Variants in PLK1 observed in about 807,000 individuals in gnomAD.
PLK1 encodes the protein serine/threonine-protein kinase PLK1.
In PLK1, 6 loss-of-function variants were observed where a neutral mutation model predicts 56.7. The ratio of observed to expected loss-of-function variants is 0.11; its 90% CI spans 0.06 to 0.21. The LOEUF is 0.21. Ranked by LOEUF, PLK1 falls within the 10% of genes least tolerant of loss-of-function variation. The pLI is 1.00. For missense variants in PLK1, 546 were observed against 814.4 expected, an observed-to-expected ratio of 0.67 and a Z score of 4.01; for synonymous variants, 298 against 325.0, an observed-to-expected ratio of 0.92 and a Z score of 0.89.
At chr16:23,685,935 C>T (rs979266912) in intron 5 of PLK1, among the ~76,000 whole-genome samples, 3 of 152,238 alleles carry the variant, frequency 2.0e-5, no homozygotes, top group African/African-American at 7.2e-5. Flanking sequence ...AGAGCTGTTC[C>T]TTCTCTCCGA....
rs751987268 is a variant in PLK1, at chr16:23,689,341, C to T, written c.1374C>T (p.Gly458=). Reference sequence around the variant, plus strand: ...GCCTGCAGTACATAGAGCGTGACGGCACTGAGTCCTACCTCACCGTGAGTT... The same window carrying T: ...GCCTGCAGTACATAGAGCGTGACGGTACTGAGTCCTACCTCACCGTGAGTT... The part of the protein sequence containing the change: ...GDSLQYIERD[G]TESYLTVSSH... Residue 458 remains glycine (G), a synonymous_variant, in exon 8 of 10, where the codon GGC becomes GGT. Transcript: ENST00000300093. This position sits in a 1 kb window ranked among gnomAD's most constrained non-coding sequence, Gnocchi z 4.8. 1.2e-6 allele frequency: 2 copies of T among 1,613,922 alleles called. No individual in the cohort carries two copies. Among genetic ancestry groups the T allele is most frequent in the South Asian group, 1.1e-5 (1 of 91,080 alleles).
rs1354797494 is a variant in PLK1 at position 23,690,319 on chromosome 16, G to T, written c.*256G>T. ...GTACAGAATATTTCTATTGAATTCG[G>T]AACTGTCCTTTCCTTGGCTTTATGC... On this transcript the variant is annotated 3_prime_UTR_variant, in exon 10 of 10. Transcript: ENST00000300093. 7 of 575,154 alleles carry T rather than the reference G, an allele frequency of 1.2e-5. No individual in the cohort carries two copies. The highest frequency in any genetic ancestry group is 8.6e-5 in the East Asian group (3 of 34,750). The allele number at this position is 575,154 out of a possible 1,614,324, so 35.6% of individuals were successfully genotyped here. A position where few individuals can be genotyped will look rare whatever the true frequency, so the allele number is the denominator to read the frequency against.
intron 5 of PLK1, among the ~76,000 whole-genome samples, chr16:23,686,188 G>A (rs1415894244): frequency 6.6e-6 from 1 of 151,852 alleles, no homozygotes; most frequent in Non-Finnish European, 1.5e-5. Flanking sequence ...TTAGGCATGT[G>A]CCACCGCGTC....
Position 23,689,817 on chromosome 16 carries a change from C to G in PLK1, c.1609-43C>G. 1 of 1,574,954 alleles carries G rather than the reference C, an allele frequency of 6.3e-7. No homozygotes were observed. The highest frequency in any genetic ancestry group is 8.7e-7 in the Non-Finnish European group (1 of 1,145,950). ...TCTTCCCTCTACTCCCTAACATACA[C>G]TGGCCTCTGGGATCGCCAACCCCTG... is the stretch of plus-strand genomic sequence containing the variant. On this transcript the variant is annotated intron_variant, in intron 9 of 9. Transcript: ENST00000300093. The surrounding 1 kb of genome is among the most constrained non-coding windows in gnomAD (Gnocchi z 4.8).
rs1213540287 is a variant in PLK1 at position 23,687,693 on chromosome 16, G to A, written c.1192+69G>A. The A allele has an allele frequency of 7.4e-6, 9 of 1,217,482 alleles. No individual in the cohort carries two copies. In the East Asian group the frequency reaches 2.4e-4, roughly 32 times the overall value. 75.4% of individuals were successfully genotyped at this position (1,217,482 alleles called of 1,614,324 possible). ...ATCTGGAAAAGGCAGGAGGAGGCTT[G>A]GCCAACAAAGCACTGGTGACTTGTT... On this transcript the variant is annotated intron_variant, in intron 6 of 9. Transcript: ENST00000300093.
Position 23,684,080 on chromosome 16 carries a change from C to T in PLK1, c.1027C>T (p.Leu343Phe). The change falls in exon 5 of 10, where the codon CTC becomes TTC. Residue 343 changes from leucine (L) to phenylalanine (F), a missense_variant. By Grantham distance (22) the Leu-to-Phe change is conservative. This residue lies in a region of PLK1 where 157 missense variants were observed against 184.0 expected (regional missense o/e 0.85). Transcript: ENST00000300093. ...DPSNRKPLTV[L>F]NKGLENPLPE... is the part of the protein sequence containing the mutation. ...CAGCAACCGGAAGCCCCTCACAGTC[C>T]TCAATAAAGGTACAACAAGGGTCTG... is the stretch of plus-strand genomic sequence containing the variant. The T allele has an allele frequency of 6.2e-7, 1 of 1,613,576 alleles. No individual in the cohort carries two copies. Among genetic ancestry groups the T allele is most frequent in the Non-Finnish European group, 8.5e-7 (1 of 1,179,500 alleles).
In PLK1 at chr16:23,688,741, C is replaced by A. The variant is rs1215003277; in HGVS notation, c.1266C>A (p.Gly422=). ...GGGTGGACTATTCGGACAAGTACGG[C>A]CTTGGTAGGTTTCTTCCAGAACAGG... is the stretch of plus-strand genomic sequence containing the variant. The part of the protein sequence containing the change: ...SKWVDYSDKY[G]LGYQLCDNSV... The change falls in exon 7 of 10, where the codon GGC becomes GGA. Residue 422 remains glycine (G), a synonymous_variant. Transcript: ENST00000300093. 1.7e-5 allele frequency: 27 copies of A among 1,610,834 alleles called. No individual in the cohort carries two copies. The highest frequency in any genetic ancestry group is 2.3e-5 in the Non-Finnish European group (27 of 1,177,126).
rs138670004 is a variant in PLK1, at chr16:23,687,493, G to A, written c.1061G>A (p.Arg354His). The A allele has an allele frequency of 1.9e-4, 301 of 1,592,774 alleles. 1 individual carries two copies. The East Asian group carries it at 5.8e-3, about 31-fold the overall frequency. ...NKGLENPLPE[R>H]PREKEEPVVR... Reference sequence around the variant, plus strand: ...GGCTTGGAGAACCCCCTGCCTGAGCGTCCCCGGGAAAAAGAAGAACCAGTG... The same window carrying A: ...GGCTTGGAGAACCCCCTGCCTGAGCATCCCCGGGAAAAAGAAGAACCAGTG... The change falls in exon 6 of 10, where the codon CGT (arginine) becomes CAT (histidine). Residue 354 changes from arginine to histidine, a missense_variant. Around this residue, in one of 7 missense-constraint regions of PLK1, gnomAD observed 157 missense variants for 184.0 expected, o/e 0.85. Transcript: ENST00000300093.
rs34359215 is a variant in PLK1 at position 23,689,992 on chromosome 16, C to T, written c.1741C>T (p.Arg581Cys). 9.3e-6 allele frequency: 15 copies of T among 1,613,624 alleles called. No homozygotes were observed. Among genetic ancestry groups the T allele is most frequent in the Admixed American group, 5.0e-5 (3 of 60,012 alleles). The stretch of plus-strand genomic sequence containing the variant: ...CTGCAAGGAGCTGGCCAGCCGGCTC[C>T]GCTACGCCCGCACTATGGTGGACAA... Reference protein sequence around the residue: ...GCCKELASRLRYARTMVDKLL... With the variant: ...GCCKELASRLCYARTMVDKLL... Residue 581 changes from arginine (R) to cysteine (C), a missense_variant, in exon 10 of 10, where the codon CGC becomes TGC. Around this residue, in one of 7 missense-constraint regions of PLK1, gnomAD observed 72 missense variants for 77.9 expected, o/e 0.92. Transcript: ENST00000300093. This position sits in a 1 kb window ranked among gnomAD's most constrained non-coding sequence, Gnocchi z 4.8.
At chr16:23,684,254 G>A (rs966938021) in intron 5 of PLK1, among the ~76,000 whole-genome samples, 165 bp downstream of exon 5, 20 of 152,338 alleles carry the variant, frequency 1.3e-4, no homozygotes, top group African/African-American at 4.6e-4. Flanking sequence ...GGCCCTGCCA[G>A]GAAAGACTGA....
intron 5 of PLK1, among the ~76,000 whole-genome samples, chr16:23,684,938 G>A (rs190857272): frequency 0.012 from 1,578 of 132,960 alleles, 31 homozygotes; most frequent in African/African-American, 0.041. Flanking sequence ...GATTACAGGC[G>A]TGAACCACCA....
intron 5 of PLK1, among the ~76,000 whole-genome samples, chr16:23,684,543 A>G (rs976918209): frequency 6.6e-6 from 1 of 151,932 alleles, no homozygotes; most frequent in Non-Finnish European, 1.5e-5. Context: ...TTGTAGAGAC[A>G]GTGTTTTGCC....
At position 23,684,063 on chromosome 16, in the gene PLK1, G is replaced by T; in HGVS notation, c.1010G>T (p.Arg337Leu). 1 of 1,614,068 alleles carries T rather than the reference G, an allele frequency of 6.2e-7. No homozygotes were observed. Among genetic ancestry groups the T allele is most frequent in the Non-Finnish European group, 8.5e-7 (1 of 1,179,982 alleles). Reference protein sequence around the residue: ...IAPSSLDPSNRKPLTVLNKGL... With the variant: ...IAPSSLDPSNLKPLTVLNKGL... Reference sequence around the variant, plus strand: ...CCCAGCAGCCTGGACCCCAGCAACCGGAAGCCCCTCACAGTCCTCAATAAA... The same window carrying T: ...CCCAGCAGCCTGGACCCCAGCAACCTGAAGCCCCTCACAGTCCTCAATAAA... Residue 337 changes from arginine (R) to leucine (L), a missense_variant, in exon 5 of 10, where the codon CGG (arginine) becomes CTG (leucine). Physicochemically the swap from Arg to Leu is moderately radical, Grantham distance 102. Coordinates refer to ENST00000300093, the MANE Select transcript of PLK1 (RefSeq NM_005030.6).
Position 23,689,319 on chromosome 16 carries a change from T to C in PLK1, c.1352T>C (p.Leu451Pro). The C allele has an allele frequency of 6.2e-7, 1 of 1,614,016 alleles. No homozygotes were observed. The highest frequency in any genetic ancestry group is 8.5e-7 in the Non-Finnish European group (1 of 1,179,888). Residue 451 changes from leucine to proline, a missense_variant, in exon 8 of 10, where the codon CTG becomes CCG. Leu to Pro is a moderately conservative substitution (Grantham distance 98). Transcript: ENST00000300093. This position sits in a 1 kb window ranked among gnomAD's most constrained non-coding sequence, Gnocchi z 4.8. ...RLILYNDGDSLQYIERDGTES... is the reference protein window; with the variant it reads ...RLILYNDGDSPQYIERDGTES... Reference sequence around the variant, plus strand: ...ATCCTCTACAATGATGGTGACAGCCTGCAGTACATAGAGCGTGACGGCACT... The same window carrying C: ...ATCCTCTACAATGATGGTGACAGCCCGCAGTACATAGAGCGTGACGGCACT...
rs1002625501 is a variant in PLK1, at chr16:23,682,979, C to T, written c.816+822C>T. Among the ~76,000 whole-genome samples, 12 of 141,086 alleles carry T rather than the reference C, an allele frequency of 8.5e-5. 1 individual carries two copies. Among genetic ancestry groups the T allele is most frequent in the Admixed American group, 4.3e-4 (6 of 13,880 alleles). The allele number at this position is 141,086 out of a possible 152,430, so 92.6% of individuals were successfully genotyped here. On this transcript the variant is annotated intron_variant, in intron 4 of 9. Coordinates refer to ENST00000300093, the MANE Select transcript of PLK1 (RefSeq NM_005030.6). ...GGCTTCCTAATGGCATAGTTGTGTG[C>T]ATTTTCTTTTTTTTTTTTTTTTTTT...
chr16:23,689,200 A>T lies in PLK1; in HGVS notation c.1271-38A>T. On this transcript the variant is annotated intron_variant, in intron 7 of 9. Transcript: ENST00000300093. The surrounding 1 kb of genome is among the most constrained non-coding windows in gnomAD (Gnocchi z 4.8). ...CGCCCGGTCCCACTCCCCACTTTCTATTCCCCCTTTCTGAGACCTCTCTCC... is the reference window on the plus strand; with the variant it reads ...CGCCCGGTCCCACTCCCCACTTTCTTTTCCCCCTTTCTGAGACCTCTCTCC... 6.3e-6 allele frequency: 10 copies of T among 1,580,996 alleles called. No individual in the cohort carries two copies. Among genetic ancestry groups the T allele is most frequent in the Non-Finnish European group, 8.7e-6 (10 of 1,154,408 alleles).
intron 5 of PLK1, 80 bp from the exon 6 acceptor site, chr16:23,687,389 T>C: frequency 8.1e-7 from 1 of 1,237,256 alleles, no homozygotes; most frequent in East Asian, 2.7e-5. Flanking sequence ...GCTAAGAGAA[T>C]TTTTCTTTCG....
chr16:23,682,796 T>G (rs931269298), intron 4 of PLK1, among the ~76,000 whole-genome samples: 1 of 151,252 alleles, frequency 6.6e-6, no homozygotes, highest in Non-Finnish European at 1.5e-5. Context: ...CCTCCCAAAG[T>G]GCTGGGATTA....
At chr16:23,687,047 A>C (rs1401624033) in intron 5 of PLK1, 1 of 153,230 alleles carries the variant, frequency 6.5e-6, no homozygotes, top group Non-Finnish European at 1.5e-5. Flanking sequence ...ATATAAAGCA[A>C]ATTTTGGGGT....
Sources: allele counts gnomAD v4.1 joint callset (sites outside exome capture counted in the v4.1 genomes callset), GRCh38; gene constraint gnomAD v4.1.1; regional missense constraint gnomAD v4.1.1; non-coding constraint Gnocchi (gnomAD v3.1); transcripts MANE v1.5; gene names NCBI Gene and HGNC (gene_info 2026-07-23, HGNC 2026-07-21).